The following FARS2 variants were observed in gnomAD, a reference collection of about 807,000 sequenced individuals.
FARS2 encodes phenylalanine--tRNA ligase, mitochondrial.
Under a neutral mutation model 46.4 loss-of-function variants are expected in FARS2, and 40 were observed. The observed-to-expected ratio is 0.86, with a 90% CI of 0.67 to 1.12. The LOEUF is 1.12. Among genes scored for constraint, FARS2 ranks in the 50% most tolerant of loss-of-function variants. The pLI is 0.00. For synonymous variants in FARS2, 234 were observed against 214.9 expected (o/e 1.09, Z -0.78); for missense variants, 513 against 567.9 (o/e 0.90, Z 0.98).
chr6:5,440,876 C>G (rs1436106480), intron 4 of FARS2, among the ~76,000 whole-genome samples: 1 of 151,648 alleles, frequency 6.6e-6, no homozygotes, highest in African/African-American at 2.4e-5. Context: ...ACTAGTGTCA[C>G]TGAACATGTT....
Position 5,668,686 on chromosome 6 carries a change from G to GTT in FARS2, c.1217+55389_1217+55390dup, listed in dbSNP as rs58819474. Among the ~76,000 whole-genome samples, 339 of 53,334 alleles carry GTT rather than the reference G, an allele frequency of 6.4e-3. 2 individuals carry two copies. The highest frequency in any genetic ancestry group is 9.9e-3 in the African/African-American group (147 of 14,784). The allele number at this position is 53,334 out of a possible 152,430, so 35.0% of individuals were successfully genotyped here. Reference sequence around the variant, plus strand: ...GCAAGTTTCTTTTTTGTGTGTTTGGGTTTTTTTTTTTTTTTTTTTTTTTTG... The same window carrying GTT: ...GCAAGTTTCTTTTTTGTGTGTTTGGGTTTTTTTTTTTTTTTTTTTTTTTTTTG... On this transcript the variant is annotated intron_variant, in intron 6 of 6. Coordinates refer to ENST00000274680, the MANE Select transcript of FARS2 (RefSeq NM_006567.5).
chr6:5,414,181 G>T (rs1762089546), intron 3 of FARS2, among the ~76,000 whole-genome samples: 1 of 152,176 alleles, frequency 6.6e-6, no homozygotes, highest in South Asian at 2.1e-4. Flanking sequence ...GGTCACGATT[G>T]ATTTCCAAAT....
intron 5 of FARS2, among the ~76,000 whole-genome samples, chr6:5,549,128 C>A (rs1004944593): frequency 1.3e-5 from 2 of 150,634 alleles, no homozygotes; most frequent in African/African-American, 4.9e-5. Flanking sequence ...GTCAGCAGGG[C>A]TGACTCCTTC....
intron 1 of FARS2, among the ~76,000 whole-genome samples, chr6:5,281,980 T>A (rs1766763304): frequency 6.6e-6 from 1 of 152,226 alleles, no homozygotes; most frequent in Non-Finnish European, 1.5e-5. Flanking sequence ...GAGTATGTGC[T>A]TGATACTCCA....
intron 6 of FARS2, among the ~76,000 whole-genome samples, chr6:5,631,043 A>C (rs1776269692): frequency 6.6e-6 from 1 of 152,196 alleles, no homozygotes; most frequent in Non-Finnish European, 1.5e-5. Context: ...AGCAAAGTGC[A>C]ATACAATACC....
intron 6 of FARS2, among the ~76,000 whole-genome samples, chr6:5,763,982 A>C (rs1034879203): frequency 1.3e-5 from 2 of 152,034 alleles, no homozygotes; most frequent in African/African-American, 4.8e-5. Flanking sequence ...GGGTAAAAGA[A>C]ACACAGGAAA....
chr6:5,637,209 A>C (rs1280220914), intron 6 of FARS2, among the ~76,000 whole-genome samples: 1 of 152,236 alleles, frequency 6.6e-6, no homozygotes, highest in East Asian at 1.9e-4. Flanking sequence ...GAGGCTCTCC[A>C]ACCATTCCTG....
chr6:5,416,570 T>C (rs1304932361), intron 3 of FARS2, among the ~76,000 whole-genome samples: 5 of 152,228 alleles, frequency 3.3e-5, no homozygotes, highest in Admixed American at 3.3e-4. Context: ...GTTAAATTCT[T>C]GTAACTTTGT....
chr6:5,370,524 A>G (rs1294564997), intron 2 of FARS2, among the ~76,000 whole-genome samples: 2 of 152,204 alleles, frequency 1.3e-5, no homozygotes, highest in South Asian at 4.1e-4. Flanking sequence ...ATTTAAAATT[A>G]ATGTACAAGA....
chr6:5,596,464 A>G (rs1774202918), intron 5 of FARS2, among the ~76,000 whole-genome samples: 1 of 152,226 alleles, frequency 6.6e-6, no homozygotes, highest in African/African-American at 2.4e-5. Context: ...GAGAAAGAAG[A>G]CATCCCTAAA....
At chr6:5,354,141 A>G (rs907531535) in intron 1 of FARS2, among the ~76,000 whole-genome samples, 3 of 152,070 alleles carry the variant, frequency 2.0e-5, no homozygotes, top group Non-Finnish European at 4.4e-5. Context: ...AAGATAAAAC[A>G]TGGCCATTTC....
At chr6:5,685,727 G>A (rs1432095184) in intron 6 of FARS2, among the ~76,000 whole-genome samples, 1 of 152,152 alleles carries the variant, frequency 6.6e-6, no homozygotes, top group Non-Finnish European at 1.5e-5. Context: ...ACCCTCTCTT[G>A]GACCAGCTAC....
At chr6:5,485,668 C>A (rs2150350978) in intron 4 of FARS2, among the ~76,000 whole-genome samples, 1 of 152,256 alleles carries the variant, frequency 6.6e-6, no homozygotes, top group East Asian at 1.9e-4. Context: ...GATCTTTTAA[C>A]AAATGTAAAA....
At chr6:5,687,202 A>G (rs1204436579) in intron 6 of FARS2, among the ~76,000 whole-genome samples, 1 of 152,096 alleles carries the variant, frequency 6.6e-6, no homozygotes, top group Non-Finnish European at 1.5e-5. Flanking sequence ...CTTTAGTTTA[A>G]TTAGATCCCA....
intron 5 of FARS2, among the ~76,000 whole-genome samples, chr6:5,588,690 T>C (rs1234592540): frequency 6.6e-6 from 1 of 152,208 alleles, no homozygotes; most frequent in Admixed American, 6.5e-5. Flanking sequence ...TAGGACTCTT[T>C]CTCCAAGTGC....
At chr6:5,434,920 G>T (rs1763434836) in intron 4 of FARS2, among the ~76,000 whole-genome samples, 1 of 152,198 alleles carries the variant, frequency 6.6e-6, no homozygotes, top group South Asian at 2.1e-4. Flanking sequence ...CAAAGAAACT[G>T]ATGGAGCAAT....
intron 6 of FARS2, among the ~76,000 whole-genome samples, chr6:5,667,750 G>T (rs113903393): frequency 2.6e-5 from 4 of 152,178 alleles, no homozygotes; most frequent in Admixed American, 6.5e-5. Context: ...TGCAGAGGGG[G>T]AAGTGGAGAC....
chr6:5,532,204 C>A (rs2150458989), intron 4 of FARS2, among the ~76,000 whole-genome samples: 1 of 152,342 alleles, frequency 6.6e-6, no homozygotes, highest in East Asian at 1.9e-4. Context: ...AGTAGCACTT[C>A]CTGATGTTTT....
At chr6:5,474,376 G>A (rs1185437232) in intron 4 of FARS2, among the ~76,000 whole-genome samples, 2 of 152,208 alleles carry the variant, frequency 1.3e-5, no homozygotes, top group Non-Finnish European at 2.9e-5. Flanking sequence ...AAGGTGTGTT[G>A]TAGAGATAAG....
Sources: gnomAD v4.1 joint callset for allele counts (sites outside exome capture counted in the v4.1 genomes callset) on GRCh38, gnomAD v4.1.1 for gene constraint, MANE v1.5 for transcripts, NCBI Gene and HGNC (gene_info 2026-07-23, HGNC 2026-07-21) for gene names.